Variants in HERC4 observed in about 807,000 individuals in gnomAD.
The protein encoded by HERC4 is HECT and RLD domain containing E3 ubiquitin protein ligase 4.
Under a neutral mutation model 124.3 loss-of-function variants are expected in HERC4, and 28 were observed. That is an observed-to-expected ratio of 0.23 (90% CI 0.17 to 0.31). The LOEUF (loss-of-function observed/expected upper bound fraction) is 0.31. Ranked by LOEUF, HERC4 falls within the 10% of genes least tolerant of loss-of-function variation. The probability of loss-of-function intolerance (pLI) is 1.00; values close to 1 mark genes in which losing one functional copy is unlikely to be tolerated. For synonymous variants in HERC4, 407 were observed against 421.5 expected, an observed-to-expected ratio of 0.97 and a Z score of 0.42; for missense variants, 713 against 1,229.3, an observed-to-expected ratio of 0.58 and a Z score of 6.28.
intron 19 of HERC4, among the ~76,000 whole-genome samples, chr10:67,946,159 G>T (rs2033310141): frequency 6.6e-6 from 1 of 151,680 alleles, no homozygotes; most frequent in Non-Finnish European, 1.5e-5. Flanking sequence ...GGCTGAAGTG[G>T]GAGGATCACT....
At chr10:67,953,378 A>T (rs1188734618) in intron 19 of HERC4, among the ~76,000 whole-genome samples, 1 of 152,218 alleles carries the variant, frequency 6.6e-6, no homozygotes, top group African/African-American at 2.4e-5. Flanking sequence ...CTGAAAAACA[A>T]TTTAAAACAT....
chr10:67,998,551 G>GA (rs201038182), intron 9 of HERC4, among the ~76,000 whole-genome samples: 13 of 25,826 alleles, frequency 5.0e-4, no homozygotes, highest in African/African-American at 1.4e-3. Context: ...CACCTCAATT[G>GA]AAAAAAAAAA....
At chr10:68,038,302 T>G (rs1805866754) in intron 4 of HERC4, 133 bp from the exon 5 acceptor site, 2 of 442,838 alleles carry the variant, frequency 4.5e-6, no homozygotes, top group Non-Finnish European at 8.1e-6. Context: ...ACAAGCTCAA[T>G]TTTAGCGTAC....
chr10:68,054,879 G>A (rs1251945724), intron 3 of HERC4, among the ~76,000 whole-genome samples: 1 of 151,982 alleles, frequency 6.6e-6, no homozygotes, highest in Non-Finnish European at 1.5e-5. Flanking sequence ...ATAAAACAAA[G>A]TGCAACTATT....
intron 8 of HERC4, among the ~76,000 whole-genome samples, chr10:68,023,851 A>T (rs1181294403): frequency 6.6e-6 from 1 of 152,204 alleles, no homozygotes; most frequent in Non-Finnish European, 1.5e-5. Context: ...CTCCATGTAA[A>T]AGGCAACACT....
chr10:67,969,365 T>C (rs1192419025), intron 15 of HERC4, among the ~76,000 whole-genome samples: 3 of 152,064 alleles, frequency 2.0e-5, no homozygotes, highest in East Asian at 3.9e-4. Context: ...GGTAGCTTGA[T>C]AGTATGAAAC....
At chr10:68,036,053 G>A (rs1038972450) in intron 5 of HERC4, among the ~76,000 whole-genome samples, 3 of 152,062 alleles carry the variant, frequency 2.0e-5, no homozygotes, top group Non-Finnish European at 4.4e-5. Flanking sequence ...AGTGGCTCAC[G>A]CCTGTAATCC....
intron 19 of HERC4, among the ~76,000 whole-genome samples, chr10:67,941,366 T>C (rs983017231): frequency 2.0e-5 from 3 of 151,088 alleles, no homozygotes; most frequent in Admixed American, 6.6e-5. Flanking sequence ...AACTGTTTTC[T>C]CCCAGACATA....
chr10:67,999,806 A>G (rs1445001906), intron 9 of HERC4, among the ~76,000 whole-genome samples: 1 of 152,160 alleles, frequency 6.6e-6, no homozygotes, highest in Non-Finnish European at 1.5e-5. Flanking sequence ...GAGTAAACTA[A>G]AAGGAATTAT....
At chr10:67,981,105 G>A (rs1026605487) in intron 15 of HERC4, among the ~76,000 whole-genome samples, 1 of 152,112 alleles carries the variant, frequency 6.6e-6, no homozygotes, top group African/African-American at 2.4e-5. Context: ...ACATAAAGCT[G>A]CATGAATAGA....
intron 23 of HERC4, among the ~76,000 whole-genome samples, chr10:67,928,507 T>C (rs2031403413): frequency 6.6e-6 from 1 of 152,162 alleles, no homozygotes; most frequent in Admixed American, 6.5e-5. Context: ...ACATGCATGG[T>C]CCAATTATTC....
At chr10:68,059,732 T>C (rs1366776199) in intron 3 of HERC4, among the ~76,000 whole-genome samples, 1 of 57,142 alleles carries the variant, frequency 1.8e-5, no homozygotes, top group Non-Finnish European at 2.3e-5. Context: ...ATATTATATA[T>C]CATAATATTA....
At chr10:68,009,051 T>A (rs2037766475) in intron 9 of HERC4, among the ~76,000 whole-genome samples, 1 of 151,940 alleles carries the variant, frequency 6.6e-6, no homozygotes, top group Non-Finnish European at 1.5e-5. Flanking sequence ...TGAAACCCTG[T>A]CTCCAATAAA....
rs1449060603 is a variant in HERC4 at position 67,986,031 on chromosome 10, T to C, written c.1806+2632A>G. Reference sequence around the variant, plus strand: ...TCTTTGAATAAACAAGTTTTGATAGTAATAGGTTTCTTGAATGATACAAAT... The same window carrying C: ...TCTTTGAATAAACAAGTTTTGATAGCAATAGGTTTCTTGAATGATACAAAT... On this transcript the variant is annotated intron_variant, in intron 15 of 24. Coordinates refer to ENST00000373700, the MANE Select transcript of HERC4 (RefSeq NM_015601.4). Among the ~76,000 whole-genome samples the C allele has an allele frequency of 2.6e-5, 4 of 152,224 alleles. 1 individual carries two copies. Among genetic ancestry groups the C allele is most frequent in the Non-Finnish European group, 5.9e-5 (4 of 68,034 alleles).
intron 19 of HERC4, among the ~76,000 whole-genome samples, chr10:67,942,792 TGA>T (rs1252778825): frequency 1.3e-5 from 2 of 152,072 alleles, no homozygotes; most frequent in Non-Finnish European, 2.9e-5. Context: ...ATTACAGGCG[TGA>T]GATACTGCGC....
Position 68,061,318 on chromosome 10 carries a change from G to C in HERC4, c.226+11565C>G, listed in dbSNP as rs184909082. 2.6e-3 allele frequency among the ~76,000 whole-genome samples: 391 copies of C among 151,942 alleles called. 1 individual carries two copies. Among genetic ancestry groups the C allele is most frequent in the African/African-American group, 9.1e-3 (378 of 41,436 alleles). The stretch of plus-strand genomic sequence containing the variant: ...GGAGGCCAAGGCGGGTGAATCATCA[G>C]GTCAGGAGGTCGATACCATCCTGGC... On this transcript the variant is annotated intron_variant, in intron 3 of 24. Transcript: ENST00000373700.
At chr10:68,044,126 C>T (rs2039905047) in intron 4 of HERC4, among the ~76,000 whole-genome samples, 1 of 151,818 alleles carries the variant, frequency 6.6e-6, no homozygotes, top group Admixed American at 6.6e-5. Context: ...TTAGTATAAC[C>T]CACTAAAAAA....
rs2030382076 is a variant in HERC4, at chr10:67,922,937, T to C, written c.3144A>G (p.Leu1048=). 6.2e-7 allele frequency: 1 copy of C among 1,601,654 alleles called. No homozygotes were observed. The highest frequency in any genetic ancestry group is 8.5e-7 in the Non-Finnish European group (1 of 1,172,966). Residue 1048 remains leucine, a synonymous_variant, in exon 25 of 25, where the codon TTA becomes TTG. Transcript: ENST00000373700. The part of the protein sequence containing the change: ...QAIDHNEGFS[L]I Reference sequence around the variant, plus strand: ...AATAGTTATAACTCCAAAGTTATATTAAACTGAAGCCTTCATTGTGATCAA... The same window carrying C: ...AATAGTTATAACTCCAAAGTTATATCAAACTGAAGCCTTCATTGTGATCAA...
At chr10:67,976,673 C>T (rs746807972) in intron 15 of HERC4, among the ~76,000 whole-genome samples, 10 of 152,126 alleles carry the variant, frequency 6.6e-5, no homozygotes, top group Non-Finnish European at 1.2e-4. Flanking sequence ...AGTCTTGAAT[C>T]ACCAACATCA....
Sources: gnomAD v4.1 joint callset for allele counts (sites outside exome capture counted in the v4.1 genomes callset) on GRCh38, gnomAD v4.1.1 for gene constraint, MANE v1.5 for transcripts, NCBI Gene and HGNC (gene_info 2026-07-23, HGNC 2026-07-21) for gene names.